The following ZNF554 variants were observed in gnomAD, a reference collection of about 807,000 sequenced individuals.
The protein encoded by ZNF554 is zinc finger protein 554.
Under a neutral mutation model 21.2 loss-of-function variants are expected in ZNF554, and 15 were observed. That is an observed-to-expected ratio of 0.71 (90% CI 0.47 to 1.09). The LOEUF (loss-of-function observed/expected upper bound fraction) is 1.09, where lower values mean the gene tolerates loss of function less well. Among genes scored for constraint, ZNF554 ranks in the 50% least tolerant of loss-of-function variants. The probability of loss-of-function intolerance (pLI) is 0.00; values close to 1 mark genes in which losing one functional copy is unlikely to be tolerated. For missense variants in ZNF554, 691 were observed against 662.7 expected (o/e 1.04, Z -0.47); for synonymous variants, 258 against 251.4 (o/e 1.03, Z -0.25).
At chr19:2,822,997 T>C in intron 1 of ZNF554, 43 bp from the exon 2 acceptor site, 2 of 1,593,654 alleles carry the variant, frequency 1.3e-6, no homozygotes, top group Middle Eastern at 1.9e-4. Flanking sequence ...ATCTGGGGAC[T>C]GGCCTGGATC....
At chr19:2,822,234 G>T (rs938241638) in intron 1 of ZNF554, among the ~76,000 whole-genome samples, 9 of 151,696 alleles carry the variant, frequency 5.9e-5, no homozygotes, top group South Asian at 2.1e-4. Context: ...TGTATTTTTA[G>T]TAGACGAGGT....
intron 2 of ZNF554, among the ~76,000 whole-genome samples, chr19:2,826,852 C>T (rs1358522294): frequency 1.3e-5 from 2 of 151,782 alleles, no homozygotes; most frequent in African/African-American, 2.4e-5. Context: ...TTAGTAGAGA[C>T]GGGGTTTCAC....
intron 1 of ZNF554, among the ~76,000 whole-genome samples, chr19:2,822,827 T>C (rs1236041613): frequency 2.6e-5 from 4 of 152,182 alleles, no homozygotes. Flanking sequence ...TGAGCTATGA[T>C]TGCACCACTG....
intron 2 of ZNF554, among the ~76,000 whole-genome samples, chr19:2,823,595 C>T (rs1239761462): frequency 6.6e-6 from 1 of 152,136 alleles, no homozygotes; most frequent in Non-Finnish European, 1.5e-5. Flanking sequence ...ATTCGGACGT[C>T]TCTGCAGGTC....
chr19:2,822,193 G>A (rs1459316445), intron 1 of ZNF554, among the ~76,000 whole-genome samples: 1 of 152,040 alleles, frequency 6.6e-6, no homozygotes, highest in Non-Finnish European at 1.5e-5. Flanking sequence ...TGGGTTTACA[G>A]GGATGTGCCA....
At chr19:2,820,813 T>C (rs927266346) in intron 1 of ZNF554, among the ~76,000 whole-genome samples, 22 of 148,254 alleles carry the variant, frequency 1.5e-4, no homozygotes, top group Non-Finnish European at 2.4e-4. Context: ...TACAGGCGTA[T>C]GCCACCACGC....
At chr19:2,828,677 GAA>G (rs35070771) in intron 3 of ZNF554, among the ~76,000 whole-genome samples, 225 of 140,018 alleles carry the variant, frequency 1.6e-3, no homozygotes, top group African/African-American at 2.9e-3. Context: ...TCCGTCTCAA[GAA>G]AAAAAAAAAA....
chr19:2,833,765 T>A lies in ZNF554; in HGVS notation c.530T>A (p.Ile177Lys). The change falls in exon 5 of 5, where the codon ATA (isoleucine) becomes AAA (lysine). Residue 177 changes from isoleucine to lysine, a missense_variant. Physicochemically the swap from Ile to Lys is moderately radical, Grantham distance 102 (BLOSUM62 -3). Transcript: ENST00000317243. ...QEEPASGINM[I>K]KLIREDGGWK... ...GAACCAGCCAGTGGTATAAATATGATAAAGCTTATCAGAGAAGATGGGGGA... is the reference window on the plus strand; with the variant it reads ...GAACCAGCCAGTGGTATAAATATGAAAAAGCTTATCAGAGAAGATGGGGGA... 1 of 1,603,008 alleles carries A rather than the reference T, an allele frequency of 6.2e-7. No individual in the cohort carries two copies. Among genetic ancestry groups the A allele is most frequent in the Non-Finnish European group, 8.5e-7 (1 of 1,175,616 alleles).
rs377235044 is a variant in ZNF554, at chr19:2,834,577, C to T, written c.1342C>T (p.Arg448Cys). 1.4e-5 allele frequency: 23 copies of T among 1,613,796 alleles called. No individual in the cohort carries two copies. Among genetic ancestry groups the T allele is most frequent in the Middle Eastern group, 1.6e-4 (1 of 6,082 alleles). The change falls in exon 5 of 5, where the codon CGT becomes TGT. Residue 448 changes from arginine (R) to cysteine (C), a missense_variant. Coordinates refer to ENST00000317243, the MANE Select transcript of ZNF554 (RefSeq NM_001102651.2). Reference sequence around the variant, plus strand: ...TGAATGTGGAAAGGCCTTCAGTGACCGTTCCTCTCTCAACCAGCACGAGCG... The same window carrying T: ...TGAATGTGGAAAGGCCTTCAGTGACTGTTCCTCTCTCAACCAGCACGAGCG... ...CSECGKAFSD[R>C]SSLNQHERTH...
At position 2,834,482 on chromosome 19, in the gene ZNF554, CCTT is replaced by C; in HGVS notation, c.1250_1252del (p.Phe417del). ...TATAAATGTGAAGACTGTGGGAAAT[CCTT>C]CTGCCAGAGCTCTTACCTGATCTTG... On this transcript the variant is annotated inframe_deletion, in exon 5 of 5. Transcript: ENST00000317243. The C allele has an allele frequency of 6.8e-6, 11 of 1,614,114 alleles. No homozygotes were observed. Among genetic ancestry groups the C allele is most frequent in the South Asian group, 1.1e-5 (1 of 91,088 alleles).
intron 3 of ZNF554, among the ~76,000 whole-genome samples, chr19:2,828,341 T>C (rs1306754332): frequency 6.6e-6 from 1 of 152,226 alleles, no homozygotes; most frequent in Non-Finnish European, 1.5e-5. Context: ...AGATAACTTC[T>C]CTGATTCCCC....
chr19:2,825,016 T>G (rs1296757452), intron 2 of ZNF554, among the ~76,000 whole-genome samples: 33 of 145,612 alleles, frequency 2.3e-4, no homozygotes, highest in African/African-American at 6.6e-4. Context: ...TTTTTTTTTT[T>G]TTTTTTTTTT....
In ZNF554 at chr19:2,832,417, C is replaced by G; in HGVS notation, c.368C>G (p.Pro123Arg). ...TGGACGGGGTATTTACTTTTTCAAC[C>G]AGTGGCTTCTTCCCACTTGGAGCAA... ...SSWTGYLLFQ[P>R]VASSHLEQRE... Residue 123 changes from proline to arginine, a missense_variant, in exon 4 of 5, where the codon CCA (proline) becomes CGA (arginine). Physicochemically the swap from Pro to Arg is moderately radical, Grantham distance 103. Transcript: ENST00000317243. The G allele has an allele frequency of 2.5e-6, 4 of 1,614,132 alleles. No homozygotes were observed. The South Asian group carries it at 4.4e-5, about 18-fold the overall frequency.
chr19:2,831,107 A>T (rs2087410463), intron 3 of ZNF554: 1 of 152,062 alleles, frequency 6.6e-6, no homozygotes, highest in Non-Finnish European at 1.5e-5. Flanking sequence ...TTCCATTCCC[A>T]CCAGCAGTGC....
intron 1 of ZNF554, 47 bp from the exon 2 acceptor site, chr19:2,822,993 G>T: frequency 6.3e-7 from 1 of 1,588,244 alleles, no homozygotes; most frequent in Non-Finnish European, 8.6e-7. Flanking sequence ...TGGGATCTGG[G>T]GACTGGCCTG....
At chr19:2,833,633 A>C (rs765413300) in intron 4 of ZNF554, 48 bp from the exon 5 acceptor site, 2 of 1,472,340 alleles carry the variant, frequency 1.4e-6, no homozygotes, top group Non-Finnish European at 1.8e-6. Context: ...GTTTTCAAGT[A>C]GCTGTTTCTT....
At position 2,834,370 on chromosome 19, in the gene ZNF554, C is replaced by T. The variant is rs2087467618; in HGVS notation, c.1135C>T (p.Pro379Ser). ...TCTGAGAACTCATACTGGAGAGAAG[C>T]CCTACGGGTGCGGTGAGTGCGGGAA... Reference protein sequence around the residue: ...RHLRTHTGEKPYGCGECGKAF... With the variant: ...RHLRTHTGEKSYGCGECGKAF... Residue 379 changes from proline (P) to serine (S), a missense_variant, in exon 5 of 5, where the codon CCC (proline) becomes TCC (serine). Pro to Ser is a moderately conservative substitution (Grantham distance 74, BLOSUM62 -1). Coordinates refer to ENST00000317243, the MANE Select transcript of ZNF554 (RefSeq NM_001102651.2). 6.2e-7 allele frequency: 1 copy of T among 1,613,946 alleles called. No individual in the cohort carries two copies. The highest frequency in any genetic ancestry group is 2.2e-5 in the East Asian group (1 of 44,866).
chr19:2,834,443 C>T lies in ZNF554; in HGVS notation c.1208C>T (p.Thr403Ile), dbSNP rs780579563. 1 of 1,613,970 alleles carries T rather than the reference C, an allele frequency of 6.2e-7. No homozygotes were observed. Among genetic ancestry groups the T allele is most frequent in the Admixed American group, 1.7e-5 (1 of 59,996 alleles). ...SSLTQHQRIHTGEKPYKCEDC... is the reference protein window; with the variant it reads ...SSLTQHQRIHIGEKPYKCEDC... ...CTGACTCAGCATCAGAGGATTCACA[C>T]CGGGGAAAAGCCCTATAAATGTGAA... The change falls in exon 5 of 5, where the codon ACC (threonine) becomes ATC (isoleucine). Residue 403 changes from threonine (T) to isoleucine (I), a missense_variant. Physicochemically the swap from Thr to Ile is moderately conservative, Grantham distance 89 (BLOSUM62 -1). Coordinates refer to ENST00000317243, the MANE Select transcript of ZNF554 (RefSeq NM_001102651.2).
intron 3 of ZNF554, among the ~76,000 whole-genome samples, chr19:2,828,599 A>G (rs1568334091): frequency 6.6e-6 from 1 of 151,776 alleles, no homozygotes; most frequent in African/African-American, 2.4e-5. Context: ...CACGGGAGGC[A>G]GAGGTTGCAG....
Sources: gnomAD v4.1 joint callset for allele counts (sites outside exome capture counted in the v4.1 genomes callset) on GRCh38, gnomAD v4.1.1 for gene constraint, MANE v1.5 for transcripts, NCBI Gene and HGNC (gene_info 2026-07-23, HGNC 2026-07-21) for gene names.